The following TRRAP variants were observed in gnomAD, a reference collection of about 807,000 sequenced individuals.
TRRAP encodes transformation/transcription domain-associated protein.
Under a neutral mutation model 438.8 loss-of-function variants are expected in TRRAP, and 41 were observed. The observed-to-expected ratio is 0.09, with a 90% CI of 0.07 to 0.12. The LOEUF (loss-of-function observed/expected upper bound fraction) is 0.12. Ranked by LOEUF, TRRAP falls within the 10% of genes least tolerant of loss-of-function variation. The pLI is 1.00. For missense variants in TRRAP, 3,122 were observed against 5,055.1 expected (o/e 0.62, Z 11.60); for synonymous variants, 1,994 against 1,962.9 (o/e 1.02, Z -0.42).
intron 23 of TRRAP, among the ~76,000 whole-genome samples, chr7:98,928,028 C>T (rs1554411911): frequency 6.6e-6 from 1 of 152,096 alleles, no homozygotes; most frequent in East Asian, 1.9e-4. Flanking sequence ...CACCTGAGGT[C>T]GGGAGTTCGA....
At position 99,011,754 on chromosome 7, in the gene TRRAP, C is replaced by T. The variant is rs913663461; in HGVS notation, c.11337+219C>T. On this transcript the variant is annotated intron_variant, in intron 72 of 72. Transcript: ENST00000456197. The surrounding 1 kb of genome is among the most constrained non-coding windows in gnomAD (Gnocchi z 7.1). ...GCTTGGAACGGGCCTGCCTGACACTCGGCAGATGCCGGAAGGTGTCAAGTG... is the reference window on the plus strand; with the variant it reads ...GCTTGGAACGGGCCTGCCTGACACTTGGCAGATGCCGGAAGGTGTCAAGTG... Among the ~76,000 whole-genome samples, 16 of 152,284 alleles carry T rather than the reference C, an allele frequency of 1.1e-4. No homozygotes were observed. Among genetic ancestry groups the T allele is most frequent in the Admixed American group, 7.2e-4 (11 of 15,292 alleles).
At chr7:98,953,475 T>A in intron 40 of TRRAP, 42 bp downstream of exon 40, 1 of 1,595,156 alleles carries the variant, frequency 6.3e-7, no homozygotes, top group Non-Finnish European at 8.5e-7. Context: ...TCAGCGTGAA[T>A]CTCACATGGT....
intron 62 of TRRAP, among the ~76,000 whole-genome samples, chr7:98,985,548 C>G (rs553056491): frequency 6.6e-6 from 1 of 152,336 alleles, no homozygotes; most frequent in East Asian, 1.9e-4. Flanking sequence ...GAGCCTAAAC[C>G]ATTTGCTGTC....
intron 6 of TRRAP, among the ~76,000 whole-genome samples, chr7:98,894,526 T>G (rs1235443868): frequency 3.3e-5 from 5 of 151,980 alleles, no homozygotes; most frequent in African/African-American, 1.2e-4. Context: ...AAAATAGAAA[T>G]TAAAAGCATA....
At chr7:99,006,036 G>A (rs893720342) in intron 69 of TRRAP, among the ~76,000 whole-genome samples, 6 of 152,188 alleles carry the variant, frequency 3.9e-5, no homozygotes, top group African/African-American at 1.4e-4. Flanking sequence ...TGAAATGCAG[G>A]ACTCGGGAAA....
intron 62 of TRRAP, among the ~76,000 whole-genome samples, chr7:98,986,055 G>T (rs1426843410): frequency 6.6e-6 from 1 of 152,166 alleles, no homozygotes; most frequent in Non-Finnish European, 1.5e-5. Flanking sequence ...GTGGCCTTTT[G>T]TGACTGTCTT....
At chr7:98,975,955 A>G in intron 53 of TRRAP, 194 bp from the exon 54 acceptor site, 1 of 661,574 alleles carries the variant, frequency 1.5e-6, no homozygotes. Context: ...TTGGCTGCTA[A>G]GTGCACCATG....
At chr7:98,924,531 CA>C (rs1236913752) in intron 21 of TRRAP, among the ~76,000 whole-genome samples, 4 of 150,518 alleles carry the variant, frequency 2.7e-5, no homozygotes, top group East Asian at 2.0e-4. Flanking sequence ...ACTAAAAATA[CA>C]AAAAAAATTA....
intron 70 of TRRAP, among the ~76,000 whole-genome samples, chr7:99,009,033 T>C (rs959684721): frequency 7.2e-5 from 11 of 152,122 alleles, no homozygotes; most frequent in Admixed American, 1.3e-4. Flanking sequence ...CGACAGACTC[T>C]GGAGTGCATG....
At chr7:98,896,899 C>G (rs541052500) in intron 7 of TRRAP, among the ~76,000 whole-genome samples, 1 of 152,078 alleles carries the variant, frequency 6.6e-6, no homozygotes, top group African/African-American at 2.4e-5. Context: ...CCCAAATCCA[C>G]TGAGAGCGAA....
chr7:98,910,157 G>A lies in TRRAP; in HGVS notation c.1452G>A (p.Leu484=). Residue 484 remains leucine, a synonymous_variant, in exon 15 of 73, where the codon CTG becomes CTA. Coordinates refer to ENST00000456197, the MANE Select transcript of TRRAP (RefSeq NM_001375524.1). ...QSELGAVEAA[L]PGVPTAPAAP... ...AACTTGGAGCCGTGGAAGCAGCTCT[G>A]CCTGGGGTGCCCACTGCCCCTGCAG... 6.2e-7 allele frequency: 1 copy of A among 1,612,422 alleles called. No individual in the cohort carries two copies. Among genetic ancestry groups the A allele is most frequent in the South Asian group, 1.1e-5 (1 of 90,842 alleles).
intron 45 of TRRAP, among the ~76,000 whole-genome samples, chr7:98,959,784 T>C (rs1791795229): frequency 6.6e-6 from 1 of 151,848 alleles, no homozygotes; most frequent in Non-Finnish European, 1.5e-5. Flanking sequence ...GAAAATTAGC[T>C]GGGCATGATG....
chr7:98,881,718 T>A, intron 2 of TRRAP: 1 of 443,310 alleles, frequency 2.3e-6, no homozygotes, highest in East Asian at 3.6e-5. Flanking sequence ...TGAGTAATAC[T>A]GGCTGGAGCC....
chr7:98,899,323 GTTCTCTCTCT>G, intron 8 of TRRAP, 89 bp from the exon 9 acceptor site: 1 of 956,726 alleles, frequency 1.0e-6, no homozygotes, highest in South Asian at 1.5e-5. Flanking sequence ...ACTGTTTTCC[GTTCTCTCTCT>G]TTCAGTGGGT....
rs139022904 is a variant in TRRAP, at chr7:99,005,673, ATTTCTT to A, written c.10753+335_10753+340del. ...GTCAACTTTCTTAGGACATTATGAG[ATTTCTT>A]TTTCTTTTTTTTTTTCTTTTTTAGC... On this transcript the variant is annotated intron_variant, in intron 69 of 72. Coordinates refer to ENST00000456197, the MANE Select transcript of TRRAP (RefSeq NM_001375524.1). The surrounding 1 kb of genome is among the most constrained non-coding windows in gnomAD (Gnocchi z 5.1). Among the ~76,000 whole-genome samples the A allele has an allele frequency of 0.013, 2,027 of 151,268 alleles. 37 individuals are homozygous for A. Among genetic ancestry groups the A allele is most frequent in the African/African-American group, 0.047 (1,927 of 41,150 alleles).
At chr7:98,945,011 G>A (rs982583650) in intron 31 of TRRAP, among the ~76,000 whole-genome samples, 4 of 151,986 alleles carry the variant, frequency 2.6e-5, no homozygotes, top group Admixed American at 6.6e-5. Flanking sequence ...CACTTTGTTG[G>A]CCAGGCTGGT....
intron 13 of TRRAP, among the ~76,000 whole-genome samples, chr7:98,906,955 G>A (rs190901997): frequency 3.8e-4 from 57 of 151,968 alleles, no homozygotes; most frequent in Admixed American, 8.5e-4. Flanking sequence ...GTCCTGCACA[G>A]GGAGATGGAG....
intron 48 of TRRAP, 98 bp downstream of exon 48, chr7:98,964,873 A>T: frequency 7.2e-7 from 1 of 1,390,974 alleles, no homozygotes; most frequent in Non-Finnish European, 9.6e-7. Flanking sequence ...GGGAATGTGC[A>T]TTCACCAAGT....
At chr7:98,901,851 G>A (rs1309771434) in intron 11 of TRRAP, among the ~76,000 whole-genome samples, 17 of 152,198 alleles carry the variant, frequency 1.1e-4, no homozygotes, top group African/African-American at 2.2e-4. Flanking sequence ...TAAAAACAGC[G>A]TTATTGAGAT....
Sources: allele counts gnomAD v4.1 joint callset (sites outside exome capture counted in the v4.1 genomes callset), GRCh38; gene constraint gnomAD v4.1.1; non-coding constraint Gnocchi (gnomAD v3.1); transcripts MANE v1.5; gene names NCBI Gene and HGNC (gene_info 2026-07-23, HGNC 2026-07-21).